MAGI2: variants seen among roughly 807,000 people sequenced by gnomAD.
MAGI2 encodes membrane-associated guanylate kinase, WW and PDZ domain-containing protein 2.
Under a neutral mutation model 133.3 loss-of-function variants are expected in MAGI2, and 35 were observed. The ratio of observed to expected loss-of-function variants is 0.26; its 90% confidence interval spans 0.20 to 0.35. The LOEUF (loss-of-function observed/expected upper bound fraction) is 0.35, where lower values mean the gene tolerates loss of function less well. Among genes scored for constraint, MAGI2 ranks in the 10% least tolerant of loss-of-function variants. The probability of loss-of-function intolerance (pLI) is 1.00; values close to 1 mark genes in which losing one functional copy is unlikely to be tolerated. For synonymous variants in MAGI2, 729 were observed against 710.6 expected, an observed-to-expected ratio of 1.03 and a Z score of -0.41; for missense variants, 1,636 against 1,863.4, an observed-to-expected ratio of 0.88 and a Z score of 2.25.
intron 2 of MAGI2, among the ~76,000 whole-genome samples, chr7:78,729,943 G>A (rs16886300): frequency 0.051 from 7,798 of 152,148 alleles, 376 homozygotes; most frequent in East Asian, 0.23. Flanking sequence ...GAACTTCTGA[G>A]TTTGAGGAGC....
chr7:78,255,615 G>A, intron 10 of MAGI2: 1 of 509,978 alleles, frequency 2.0e-6, no homozygotes, highest in Non-Finnish European at 3.4e-6. Context: ...ACCAGTTTGA[G>A]TTCTCCATGA....
intron 1 of MAGI2, among the ~76,000 whole-genome samples, chr7:79,164,118 C>T (rs1824693429): frequency 1.3e-5 from 2 of 151,982 alleles, no homozygotes; most frequent in Non-Finnish European, 2.9e-5. Flanking sequence ...TATTGGCCTG[C>T]CCATGCATTC....
chr7:79,177,046 ACTGAAG>A (rs1483826584), intron 1 of MAGI2: 17 of 152,008 alleles, frequency 1.1e-4, no homozygotes, highest in Admixed American at 3.3e-4. Flanking sequence ...TAGTCTTTGA[ACTGAAG>A]CTCTTTGCTG....
chr7:78,431,643 ATG>A (rs561908972), intron 6 of MAGI2, among the ~76,000 whole-genome samples: 44 of 152,232 alleles, frequency 2.9e-4, no homozygotes, highest in African/African-American at 1.1e-3. Context: ...CCCAGAATCT[ATG>A]GCAACTACCA....
rs1243764460 is a variant in MAGI2 at position 79,165,179 on chromosome 7, GT to G, written c.302-157974del. Among the ~76,000 whole-genome samples, 454 of 139,178 alleles carry G rather than the reference GT, an allele frequency of 3.3e-3. 1 individual carries two copies. Among genetic ancestry groups the G allele is most frequent in the African/African-American group, 8.8e-3 (335 of 37,972 alleles). 91.3% of individuals were successfully genotyped at this position (139,178 alleles called of 152,430 possible). On this transcript the variant is annotated intron_variant, in intron 1 of 21. Coordinates refer to ENST00000354212, the MANE Select transcript of MAGI2 (RefSeq NM_012301.4). Reference sequence around the variant, plus strand: ...TAAGTGTTTTTTTTGTTTGTTTTTTGTTTTTTTTTTTTAATTCTCAGTGCAT... The same window carrying G: ...TAAGTGTTTTTTTTGTTTGTTTTTTGTTTTTTTTTTTAATTCTCAGTGCAT...
chr7:79,245,550 G>A (rs774518706), intron 1 of MAGI2, among the ~76,000 whole-genome samples: 14 of 152,180 alleles, frequency 9.2e-5, no homozygotes, highest in Non-Finnish European at 1.8e-4. Context: ...CTCTGCATGT[G>A]GAAAGGGATG....
chr7:79,390,219 A>G (rs1000348640), intron 1 of MAGI2, among the ~76,000 whole-genome samples: 1 of 152,158 alleles, frequency 6.6e-6, no homozygotes, highest in Non-Finnish European at 1.5e-5. Context: ...CTGAATGACT[A>G]GAAGAACCAG....
At chr7:78,098,178 G>A (rs1020859523) in intron 20 of MAGI2, among the ~76,000 whole-genome samples, 1 of 152,230 alleles carries the variant, frequency 6.6e-6, no homozygotes, top group Non-Finnish European at 1.5e-5. Flanking sequence ...TAGAGTTGGA[G>A]CCCCTTGCAT....
intron 1 of MAGI2, among the ~76,000 whole-genome samples, chr7:79,358,086 T>C (rs1051748615): frequency 6.6e-6 from 1 of 152,074 alleles, no homozygotes; most frequent in Admixed American, 6.6e-5. Flanking sequence ...GTATTATTAA[T>C]GAGCTACTAG....
chr7:78,610,274 A>G (rs1806294486), intron 3 of MAGI2, among the ~76,000 whole-genome samples: 1 of 152,212 alleles, frequency 6.6e-6, no homozygotes. Context: ...TCAGGGTGAT[A>G]GGGAACACTG....
chr7:79,350,866 C>T (rs189781233), intron 1 of MAGI2, among the ~76,000 whole-genome samples: 141 of 152,206 alleles, frequency 9.3e-4, no homozygotes, highest in African/African-American at 3.3e-3. Flanking sequence ...ACCTCAAAAG[C>T]ATCTGGAAAT....
At chr7:78,636,729 C>T (rs925520394) in intron 2 of MAGI2, among the ~76,000 whole-genome samples, 73 of 151,978 alleles carry the variant, frequency 4.8e-4, no homozygotes, top group Non-Finnish European at 7.6e-4. Flanking sequence ...ACCCGGGAGG[C>T]GGGGTTTACA....
intron 1 of MAGI2, among the ~76,000 whole-genome samples, chr7:79,405,657 A>G (rs1052058083): frequency 2.0e-5 from 3 of 152,110 alleles, no homozygotes; most frequent in Admixed American, 1.3e-4. Context: ...TTAGCAATGC[A>G]AGTTCTGAAC....
intron 2 of MAGI2, among the ~76,000 whole-genome samples, chr7:78,887,116 T>G (rs1796336205): frequency 6.6e-6 from 1 of 152,194 alleles, no homozygotes; most frequent in African/African-American, 2.4e-5. Flanking sequence ...ACCTCTTTCC[T>G]TTGTAAATTT....
intron 2 of MAGI2, among the ~76,000 whole-genome samples, chr7:78,950,821 C>A (rs1385805291): frequency 8.6e-5 from 13 of 152,036 alleles, no homozygotes; most frequent in Admixed American, 8.5e-4. Context: ...ACAGGGAAAA[C>A]TTTTTATTAA....
At chr7:78,572,599 C>T (rs975187252) in intron 3 of MAGI2, among the ~76,000 whole-genome samples, 3 of 152,088 alleles carry the variant, frequency 2.0e-5, no homozygotes, top group Non-Finnish European at 4.4e-5. Context: ...CCCCAGATTC[C>T]TATCCCTGGA....
intron 1 of MAGI2, among the ~76,000 whole-genome samples, chr7:79,293,915 G>A (rs1203737039): frequency 6.6e-6 from 1 of 152,216 alleles, no homozygotes; most frequent in Non-Finnish European, 1.5e-5. Flanking sequence ...GGGCGTGGTG[G>A]CTCTTGCCTG....
intron 2 of MAGI2, among the ~76,000 whole-genome samples, chr7:78,660,237 G>A (rs1812796436): frequency 6.6e-6 from 1 of 151,942 alleles, no homozygotes; most frequent in South Asian, 2.1e-4. Context: ...AAACCTGCAC[G>A]TTGTACACAT....
At chr7:78,276,923 A>G (rs536297361) in intron 9 of MAGI2, among the ~76,000 whole-genome samples, 2 of 152,132 alleles carry the variant, frequency 1.3e-5, no homozygotes, top group Admixed American at 6.5e-5. Flanking sequence ...GGAGTCATCA[A>G]TATAGAGACC....
Sources: gnomAD v4.1 joint callset for allele counts (sites outside exome capture counted in the v4.1 genomes callset) on GRCh38, gnomAD v4.1.1 for gene constraint, MANE v1.5 for transcripts, NCBI Gene and HGNC (gene_info 2026-07-23, HGNC 2026-07-21) for gene names.